Variants in CDH23 observed in about 807,000 individuals in gnomAD.
The protein encoded by CDH23 is cadherin-23.
Under a neutral mutation model 317.1 loss-of-function variants are expected in CDH23, and 189 were observed. The ratio of observed to expected loss-of-function variants is 0.60; its 90% CI spans 0.53 to 0.67. CDH23 has a LOEUF of 0.67. CDH23 is among the 30% of genes least tolerant of loss of function. CDH23 has a pLI of 0.00. For synonymous variants in CDH23, 1,839 were observed against 1,876.8 expected (o/e 0.98, Z 0.52); for missense variants, 4,401 against 4,592.4 (o/e 0.96, Z 1.20).
At chr10:71,408,977 G>A (rs1291423456) in intron 1 of CDH23, among the ~76,000 whole-genome samples, 4 of 152,248 alleles carry the variant, frequency 2.6e-5, no homozygotes, top group African/African-American at 9.6e-5. Context: ...GCATGTGCAT[G>A]CATTGGCTGA....
Position 71,751,718 on chromosome 10 carries a change from C to T in CDH23, c.4845+9797C>T. The stretch of plus-strand genomic sequence containing the variant: ...GGGGCCTGGAGGAGACAGGGGGGTG[C>T]TGGGCTCCGAAAGCAGATGCCGCCC... On this transcript the variant is annotated intron_variant, in intron 38 of 69. Transcript: ENST00000224721. The surrounding 1 kb of genome is among the most constrained non-coding windows in gnomAD (Gnocchi z 4.9). 6.3e-7 allele frequency: 1 copy of T among 1,578,088 alleles called. No homozygotes were observed. The highest frequency in any genetic ancestry group is 8.6e-7 in the Non-Finnish European group (1 of 1,163,636).
intron 11 of CDH23, among the ~76,000 whole-genome samples, chr10:71,625,044 G>T (rs547791387): frequency 1.2e-4 from 19 of 152,234 alleles, no homozygotes; most frequent in African/African-American, 4.6e-4. Context: ...GACTACAGCT[G>T]TCCAATATGG....
intron 3 of CDH23, among the ~76,000 whole-genome samples, chr10:71,483,948 T>G (rs565690739): frequency 5.4e-4 from 82 of 152,182 alleles, no homozygotes; most frequent in Non-Finnish European, 6.9e-4. Context: ...TTTTACATCC[T>G]TGCTGCGGAG....
intron 25 of CDH23, 50 bp from the exon 26 acceptor site, chr10:71,706,847 C>A: frequency 3.2e-6 from 5 of 1,544,704 alleles, no homozygotes; most frequent in Non-Finnish European, 4.4e-6. Context: ...GGAGCTGGGT[C>A]TTCTGCGGCA....
At chr10:71,504,867 A>G (rs889363384) in intron 3 of CDH23, among the ~76,000 whole-genome samples, 1 of 152,186 alleles carries the variant, frequency 6.6e-6, no homozygotes, top group African/African-American at 2.4e-5. Flanking sequence ...AAATATTTGA[A>G]TATCATCCTG....
chr10:71,813,216 G>A, intron 68 of CDH23, 28 bp from the exon 69 acceptor site: 5 of 1,546,366 alleles, frequency 3.2e-6, no homozygotes, highest in Non-Finnish European at 3.5e-6. Context: ...GAGGGCCTTG[G>A]TGGGGGTTAA....
chr10:71,774,049 G>GCACACACACACACA (rs754333116), intron 38 of CDH23, among the ~76,000 whole-genome samples: 1 of 145,490 alleles, frequency 6.9e-6, no homozygotes, highest in Non-Finnish European at 1.5e-5. Flanking sequence ...GCATGCGCGC[G>GCACACACACACACA]CGCACACACA....
intron 46 of CDH23, 85 bp downstream of exon 46, chr10:71,790,498 A>T (rs775216558): frequency 3.9e-5 from 60 of 1,524,914 alleles, no homozygotes; most frequent in Middle Eastern, 3.5e-4. Flanking sequence ...CTCCCTTCTC[A>T]GTGCTGGACC....
At chr10:71,661,132 A>G (rs992702275) in intron 14 of CDH23, among the ~76,000 whole-genome samples, 1 of 152,156 alleles carries the variant, frequency 6.6e-6, no homozygotes, top group Non-Finnish European at 1.5e-5. Context: ...TCCCTTAACC[A>G]TGGGGCAGTG....
chr10:71,550,130 C>T (rs1856499685), intron 6 of CDH23, among the ~76,000 whole-genome samples: 1 of 152,230 alleles, frequency 6.6e-6, no homozygotes, highest in Admixed American at 6.5e-5. Flanking sequence ...GAGCTCTCTA[C>T]ACTTGTTTCT....
In CDH23 at chr10:71,568,716, C is replaced by T. The variant is rs565197371; in HGVS notation, c.624+1780C>T. Among the ~76,000 whole-genome samples, 11 of 152,250 alleles carry T rather than the reference C, an allele frequency of 7.2e-5. No homozygotes were observed. In the South Asian group the frequency reaches 8.3e-4, roughly 11 times the overall value. On this transcript the variant is annotated intron_variant, in intron 7 of 69. Transcript: ENST00000224721. ...GAAGGAGATTCTCGGCCTGGCATTG[C>T]GGGCAACAGTGTCAGTTCCCAGCCA...
chr10:71,683,444 C>A lies in CDH23; in HGVS notation c.1986+872C>A, dbSNP rs150861164. 5.4e-3 allele frequency among the ~76,000 whole-genome samples: 830 copies of A among 152,324 alleles called. 10 individuals are homozygous for A. The highest frequency in any genetic ancestry group is 0.019 in the African/African-American group (795 of 41,554). On this transcript the variant is annotated intron_variant, in intron 18 of 69. Transcript: ENST00000224721. ...AGCCAGCTTCACCAGCAGCCTCTGC[C>A]ACTGCCCACGCCCGGCCTTAACAAG...
At chr10:71,634,365 A>G (rs554646961) in intron 11 of CDH23, among the ~76,000 whole-genome samples, 1 of 152,278 alleles carries the variant, frequency 6.6e-6, no homozygotes, top group Admixed American at 6.5e-5. Context: ...GAAAACACTT[A>G]CACCCCACTT....
intron 6 of CDH23, among the ~76,000 whole-genome samples, chr10:71,528,472 C>T (rs913930704): frequency 6.6e-6 from 1 of 152,222 alleles, no homozygotes; most frequent in East Asian, 1.9e-4. Context: ...CAGGCAGGCC[C>T]GTCCCTTCTG....
chr10:71,566,451 C>G (rs1485121557), intron 6 of CDH23, among the ~76,000 whole-genome samples: 1 of 152,074 alleles, frequency 6.6e-6, no homozygotes, highest in Non-Finnish European at 1.5e-5. Context: ...GCGAAACCAC[C>G]AAGAAACAGG....
chr10:71,633,341 A>G (rs1862107030), intron 11 of CDH23, among the ~76,000 whole-genome samples: 1 of 152,064 alleles, frequency 6.6e-6, no homozygotes, highest in African/African-American at 2.4e-5. Context: ...GCAGATAAAC[A>G]CATGCAACTC....
At chr10:71,805,738 TC>T in intron 55 of CDH23, 67 bp from the exon 56 acceptor site, 1 of 1,456,000 alleles carries the variant, frequency 6.9e-7, no homozygotes, top group Non-Finnish European at 9.2e-7. Flanking sequence ...GAGCAAGGGC[TC>T]CCTCAGGACC....
At chr10:71,759,892 CACACACATATAT>C (rs1564779277) in intron 38 of CDH23, among the ~76,000 whole-genome samples, 2 of 48,106 alleles carry the variant, frequency 4.2e-5, no homozygotes, top group African/African-American at 1.1e-4. Context: ...CACATATACA[CACACACATATAT>C]ACACACACAC....
chr10:71,731,955 T>C (rs1401515134), intron 31 of CDH23, 32 bp from the exon 32 acceptor site: 2 of 1,602,474 alleles, frequency 1.2e-6, no homozygotes, highest in South Asian at 1.1e-5. Context: ...CAGTTCTATC[T>C]GGGACTGCAC....
Sources: gnomAD v4.1 joint callset for allele counts (sites outside exome capture counted in the v4.1 genomes callset) on GRCh38, gnomAD v4.1.1 for gene constraint, Gnocchi (gnomAD v3.1) non-coding constraint, MANE v1.5 for transcripts, NCBI Gene and HGNC (gene_info 2026-07-23, HGNC 2026-07-21) for gene names.